The following SLC9A5 variants were observed in gnomAD, a reference collection of about 807,000 sequenced individuals.
SLC9A5 encodes solute carrier family 9 member A5.
SLC9A5 carries 52 observed loss-of-function variants against 91.7 expected under a neutral mutation model. That is an observed-to-expected ratio of 0.57 (90% CI 0.45 to 0.71). The LOEUF is 0.71. Among genes scored for constraint, SLC9A5 ranks in the 30% least tolerant of loss-of-function variants. SLC9A5 has a pLI of 0.00. For synonymous variants in SLC9A5, 419 were observed against 474.5 expected (o/e 0.88, Z 1.52); for missense variants, 871 against 1,158.9 (o/e 0.75, Z 3.61).
At chr16:67,249,922 A>G (rs2035047723) in intron 1 of SLC9A5, among the ~76,000 whole-genome samples, 1 of 152,176 alleles carries the variant, frequency 6.6e-6, no homozygotes, top group African/African-American at 2.4e-5. Context: ...TTCCCTGAAT[A>G]GAGCTGCTTT....
intron 15 of SLC9A5, among the ~76,000 whole-genome samples, chr16:67,268,105 C>T (rs947392985): frequency 5.9e-5 from 9 of 151,712 alleles, no homozygotes; most frequent in East Asian, 1.9e-4. Context: ...TTGAATGCCC[C>T]GACTTAAGCA....
At position 67,251,163 on chromosome 16, in the gene SLC9A5, AT is replaced by A. The variant is rs141635144; in HGVS notation, c.188-1378del. 3.2e-3 allele frequency among the ~76,000 whole-genome samples: 482 copies of A among 152,302 alleles called. 5 individuals are homozygous for A. The highest frequency in any genetic ancestry group is 0.012 in the African/African-American group (478 of 41,562). On this transcript the variant is annotated intron_variant, in intron 1 of 15. Transcript: ENST00000299798. ...AATAATTTGCCTGAGATCACATAGA[AT>A]GTGCTAAGGCTGGAAGAAGACCTGG... is the stretch of plus-strand genomic sequence containing the variant.
intron 1 of SLC9A5, among the ~76,000 whole-genome samples, chr16:67,250,765 G>T (rs1037587148): frequency 6.6e-6 from 1 of 152,122 alleles, no homozygotes; most frequent in African/African-American, 2.4e-5. Context: ...TAGGCCCTTT[G>T]GGTACAGCTT....
At chr16:67,250,221 G>A (rs1260146919) in intron 1 of SLC9A5, among the ~76,000 whole-genome samples, 1 of 152,204 alleles carries the variant, frequency 6.6e-6, no homozygotes, top group Non-Finnish European at 1.5e-5. Flanking sequence ...CCACTCTGCT[G>A]TGGCAGCCTG....
In SLC9A5 at chr16:67,257,196, C is replaced by A; in HGVS notation, c.1335+83C>A. ...TGGAGCCTGTGGGACAGGGGCTTCT[C>A]TTCCCGCTGGGAGATGGAGGGCCCT... On this transcript the variant is annotated intron_variant, in intron 7 of 15. Transcript: ENST00000299798. This position sits in a 1 kb window ranked among gnomAD's most constrained non-coding sequence, Gnocchi z 5.1. 1 of 1,448,538 alleles carries A rather than the reference C, an allele frequency of 6.9e-7. No individual in the cohort carries two copies. The highest frequency in any genetic ancestry group is 1.4e-5 in the African/African-American group (1 of 71,640). The allele number at this position is 1,448,538 out of a possible 1,614,324, so 89.7% of individuals were successfully genotyped here. A position where few individuals can be genotyped will look rare whatever the true frequency, so the allele number is the denominator to read the frequency against.
In SLC9A5 at chr16:67,257,670, G is replaced by A. The variant is rs2035370042; in HGVS notation, c.1496+69G>A. 2 of 1,517,904 alleles carry A rather than the reference G, an allele frequency of 1.3e-6. No homozygotes were observed. Among genetic ancestry groups the A allele is most frequent in the African/African-American group, 1.4e-5 (1 of 72,970 alleles). The allele number at this position is 1,517,904 out of a possible 1,614,324, so 94.0% of individuals were successfully genotyped here. A position where few individuals can be genotyped will look rare whatever the true frequency, so the allele number is the denominator to read the frequency against. Reference sequence around the variant, plus strand: ...CCAGCCAGGGAAGCATGGGGGATGTGCCACACTTCTGAGAAGGGACAGAGC... The same window carrying A: ...CCAGCCAGGGAAGCATGGGGGATGTACCACACTTCTGAGAAGGGACAGAGC... On this transcript the variant is annotated intron_variant, in intron 9 of 15. Coordinates refer to ENST00000299798, the MANE Select transcript of SLC9A5 (RefSeq NM_004594.3). The surrounding 1 kb of genome is among the most constrained non-coding windows in gnomAD (Gnocchi z 5.1).
chr16:67,255,569 G>T lies in SLC9A5; in HGVS notation c.733+98G>T, dbSNP rs1255862448. 2 of 1,377,790 alleles carry T rather than the reference G, an allele frequency of 1.5e-6. No homozygotes were observed. The highest frequency in any genetic ancestry group is 1.0e-6 in the Non-Finnish European group (1 of 973,308). 85.3% of individuals were successfully genotyped at this position (1,377,790 alleles called of 1,614,324 possible). A position where few individuals can be genotyped will look rare whatever the true frequency, so the allele number is the denominator to read the frequency against. ...CATCAGGACAGAAGAGGCTATTCGG[G>T]TTGCCTCATCTCCTCTATAGAGAAA... On this transcript the variant is annotated intron_variant, in intron 4 of 15. Transcript: ENST00000299798. This position sits in a 1 kb window ranked among gnomAD's most constrained non-coding sequence, Gnocchi z 4.9.
rs2035271314 is a variant in SLC9A5 at position 67,255,284 on chromosome 16, G to A, written c.654+100G>A. The A allele has an allele frequency of 1.3e-6, 2 of 1,532,536 alleles. No individual in the cohort carries two copies. Among genetic ancestry groups the A allele is most frequent in the South Asian group, 2.4e-5 (2 of 84,072 alleles). The allele number at this position is 1,532,536 out of a possible 1,614,324, so 94.9% of individuals were successfully genotyped here. A position where few individuals can be genotyped will look rare whatever the true frequency, so the allele number is the denominator to read the frequency against. ...TCAGTCCCTTCCCTTGGGTCCCCTG[G>A]GGCAGAAATATGCTGTCTGCTTTCA... On this transcript the variant is annotated intron_variant, in intron 3 of 15. Coordinates refer to ENST00000299798, the MANE Select transcript of SLC9A5 (RefSeq NM_004594.3). The surrounding 1 kb of genome is among the most constrained non-coding windows in gnomAD (Gnocchi z 4.9).
chr16:67,251,704 G>A (rs558870013), intron 1 of SLC9A5, among the ~76,000 whole-genome samples: 2 of 152,090 alleles, frequency 1.3e-5, no homozygotes, highest in African/African-American at 2.4e-5. Context: ...ATGAGCCACC[G>A]CGCCCCGCCT....
At chr16:67,266,823 G>A (rs2035721917) in intron 15 of SLC9A5, among the ~76,000 whole-genome samples, 1 of 149,516 alleles carries the variant, frequency 6.7e-6, no homozygotes, top group Admixed American at 6.7e-5. Flanking sequence ...TTACAGGCGT[G>A]AGCCACCATG....
Position 67,255,919 on chromosome 16 carries a change from C to T in SLC9A5, c.900C>T (p.Ser300=), listed in dbSNP as rs1046343476. 2.2e-5 allele frequency: 35 copies of T among 1,613,240 alleles called. No individual in the cohort carries two copies. The highest frequency in any genetic ancestry group is 5.0e-5 in the Admixed American group (3 of 59,954). ...TCACTGCTGAAATGGCCTCGCTCTC[C>T]GCCATTCTTGCGTGAGTTCTGGGGG... The part of the protein sequence containing the change: ...AYLTAEMASL[S]AILAVTMCGL... Residue 300 remains serine (S), a synonymous_variant, in exon 5 of 16, where the codon TCC becomes TCT. Transcript: ENST00000299798. This position sits in a 1 kb window ranked among gnomAD's most constrained non-coding sequence, Gnocchi z 4.9.
At chr16:67,259,307 T>A (rs2035436062) in intron 10 of SLC9A5, among the ~76,000 whole-genome samples, 1 of 128,900 alleles carries the variant, frequency 7.8e-6, no homozygotes, top group African/African-American at 3.1e-5. Flanking sequence ...GAGGTTGCAA[T>A]GAGCCGAGAT....
intron 12 of SLC9A5, chr16:67,261,632 A>G (rs2035532790): frequency 6.6e-6 from 1 of 152,270 alleles, no homozygotes; most frequent in Admixed American, 6.5e-5. Context: ...ATAAGTCCAC[A>G]CTTAGCATTT....
chr16:67,256,796 T>C lies in SLC9A5; in HGVS notation c.1132+107T>C. ...TCTTTGTCAATTCCTAAGCCTCCTC[T>C]TGTTGCTCACCTGTCCCAGCCCCTG... On this transcript the variant is annotated intron_variant, in intron 6 of 15. Coordinates refer to ENST00000299798, the MANE Select transcript of SLC9A5 (RefSeq NM_004594.3). This position sits in a 1 kb window ranked among gnomAD's most constrained non-coding sequence, Gnocchi z 4.1. 3.0e-6 allele frequency: 4 copies of C among 1,352,542 alleles called. No homozygotes were observed. The highest frequency in any genetic ancestry group is 4.2e-6 in the Non-Finnish European group (4 of 953,804). 83.8% of individuals were successfully genotyped at this position (1,352,542 alleles called of 1,614,324 possible). A position where few individuals can be genotyped will look rare whatever the true frequency, so the allele number is the denominator to read the frequency against.
At position 67,255,407 on chromosome 16, in the gene SLC9A5, C is replaced by G. The variant is rs1449364563; in HGVS notation, c.669C>G (p.Val223=). ...TTCTCGCTCAGGTGCTGTACAAGGT[C>G]TGCAACTCCTTTGTGGAGATGGGCT... ...NDAVTVVLYK[V]CNSFVEMGSA... The change falls in exon 4 of 16, where the codon GTC becomes GTG. Residue 223 remains valine (V), a synonymous_variant. Transcript: ENST00000299798. The surrounding 1 kb of genome is among the most constrained non-coding windows in gnomAD (Gnocchi z 4.9). The G allele has an allele frequency of 1.9e-5, 31 of 1,613,706 alleles. No homozygotes were observed. The highest frequency in any genetic ancestry group is 2.5e-5 in the Non-Finnish European group (29 of 1,179,766).
At position 67,248,986 on chromosome 16, in the gene SLC9A5, G is replaced by C. The variant is rs763465489; in HGVS notation, c.-29G>C. 5 of 1,223,038 alleles carry C rather than the reference G, an allele frequency of 4.1e-6. No individual in the cohort carries two copies. Among genetic ancestry groups the C allele is most frequent in the Non-Finnish European group, 5.1e-6 (5 of 980,058 alleles). 75.8% of individuals were successfully genotyped at this position (1,223,038 alleles called of 1,614,324 possible). ...GACGCGGGGCCGGCGGCCGTGCGGT[G>C]CCGGGAGGGCGGCTGGGCAGGCGGC... On this transcript the variant is annotated 5_prime_UTR_variant, in exon 1 of 16. Transcript: ENST00000299798. This position sits in a 1 kb window ranked among gnomAD's most constrained non-coding sequence, Gnocchi z 5.3.
intron 14 of SLC9A5, among the ~76,000 whole-genome samples, chr16:67,265,626 T>C (rs1355822009): frequency 6.6e-6 from 1 of 152,150 alleles, no homozygotes; most frequent in Non-Finnish European, 1.5e-5. Context: ...TTTCGCATTG[T>C]TGGCCTGGCT....
chr16:67,249,172 G>C lies in SLC9A5; in HGVS notation c.158G>C (p.Trp53Ser). Residue 53 changes from tryptophan to serine, a missense_variant, in exon 1 of 16, where the codon TGG becomes TCG. Around this residue, in one of 3 missense-constraint regions of SLC9A5, gnomAD observed 122 missense variants for 114.5 expected, o/e 1.07. Coordinates refer to ENST00000299798, the MANE Select transcript of SLC9A5 (RefSeq NM_004594.3). The part of the protein sequence containing the change: ...EVEAPYLVAL[W>S]ILVASLAKIV... Reference sequence around the variant, plus strand: ...GAGGCGCCCTACCTGGTGGCCCTGTGGATCCTGGTGGCCAGTCTGGCCAAA... The same window carrying C: ...GAGGCGCCCTACCTGGTGGCCCTGTCGATCCTGGTGGCCAGTCTGGCCAAA... 1 of 1,554,106 alleles carries C rather than the reference G, an allele frequency of 6.4e-7. No homozygotes were observed.
In SLC9A5 at chr16:67,271,230, G is replaced by T; in HGVS notation, c.*20G>T. 1 of 1,591,874 alleles carries T rather than the reference G, an allele frequency of 6.3e-7. No individual in the cohort carries two copies. The highest frequency in any genetic ancestry group is 8.6e-7 in the Non-Finnish European group (1 of 1,169,174). On this transcript the variant is annotated 3_prime_UTR_variant, in exon 16 of 16. Transcript: ENST00000299798. ...CTGTAGCTCAAGGCCTCGGGGAGGA[G>T]CAGGAGGTGGAATCCCTGTGGGAAG...
Sources: allele counts gnomAD v4.1 joint callset (sites outside exome capture counted in the v4.1 genomes callset), GRCh38; gene constraint gnomAD v4.1.1; regional missense constraint gnomAD v4.1.1; non-coding constraint Gnocchi (gnomAD v3.1); transcripts MANE v1.5; gene names NCBI Gene and HGNC (gene_info 2026-07-23, HGNC 2026-07-21).